RNF135: variants seen among roughly 807,000 people sequenced by gnomAD.
The protein encoded by RNF135 is ring finger protein 135.
In RNF135, 46 loss-of-function variants were observed where a neutral mutation model predicts 41.9. That is an observed-to-expected ratio of 1.10 (90% CI 0.87 to 1.40). The LOEUF (loss-of-function observed/expected upper bound fraction) is 1.40. Ranked by LOEUF, RNF135 falls within the 40% of genes most tolerant of loss-of-function variation. RNF135 has a pLI of 0.00. For missense variants in RNF135, 539 were observed against 549.8 expected (o/e 0.98, Z 0.20); for synonymous variants, 238 against 223.8 (o/e 1.06, Z -0.57).
In RNF135 at chr17:30,988,416, A is replaced by ATTTTTTTT. The variant is rs56955275; in HGVS notation, c.679+332_679+339dup. ...GAGATTCTGAAATAGGCCACTTTTA[A>ATTTTTTTT]TTTTTTTTTTTTTTTTTTTTTTTTT... On this transcript the variant is annotated intron_variant, in intron 3 of 4. Coordinates refer to ENST00000328381, the MANE Select transcript of RNF135 (RefSeq NM_032322.4). Among the ~76,000 whole-genome samples, 88 of 81,902 alleles carry ATTTTTTTT rather than the reference A, an allele frequency of 1.1e-3. 3 individuals carry two copies. Among genetic ancestry groups the ATTTTTTTT allele is most frequent in the African/African-American group, 1.4e-3 (27 of 19,798 alleles). 53.7% of individuals were successfully genotyped at this position (81,902 alleles called of 152,430 possible).
chr17:30,998,017 T>A (rs749289269), intron 4 of RNF135, among the ~76,000 whole-genome samples: 3 of 152,232 alleles, frequency 2.0e-5, no homozygotes, highest in Admixed American at 6.5e-5. Flanking sequence ...TATAAACAGC[T>A]GTGGTCATAA....
In RNF135 at chr17:30,999,424, C is replaced by T; in HGVS notation, c.*233C>T. The T allele has an allele frequency of 1.8e-6, 1 of 548,772 alleles. No individual in the cohort carries two copies. 34.0% of individuals were successfully genotyped at this position (548,772 alleles called of 1,614,324 possible). A position where few individuals can be genotyped will look rare whatever the true frequency, so the allele number is the denominator to read the frequency against. On this transcript the variant is annotated 3_prime_UTR_variant, in exon 5 of 5. Coordinates refer to ENST00000328381, the MANE Select transcript of RNF135 (RefSeq NM_032322.4). ...CCACCACACCTGGCCAAGAATACCA[C>T]TTTTGAAGTTAATCCTTTTGTGTGA...
chr17:30,988,924 C>CTTT lies in RNF135; in HGVS notation c.679+836_679+838dup, dbSNP rs572603845. The stretch of plus-strand genomic sequence containing the variant: ...GGTTTTTTTTTTCTTTTCTTTCTTT[C>CTTT]TTTTTTTTTTTTTTTTTTTTAAGTA... On this transcript the variant is annotated intron_variant, in intron 3 of 4. Transcript: ENST00000328381. Among the ~76,000 whole-genome samples, 163 of 99,928 alleles carry CTTT rather than the reference C, an allele frequency of 1.6e-3. 1 individual carries two copies. The Middle Eastern group carries it at 0.024, about 15-fold the overall frequency. The allele number at this position is 99,928 out of a possible 152,430, so 65.6% of individuals were successfully genotyped here.
chr17:30,981,195 C>A (rs1161713858), intron 1 of RNF135, among the ~76,000 whole-genome samples: 2 of 146,536 alleles, frequency 1.4e-5, no homozygotes, highest in Non-Finnish European at 3.0e-5. Flanking sequence ...CCGTCTCCAC[C>A]AAAAAAAAAC....
At position 30,994,929 on chromosome 17, in the gene RNF135, C is replaced by T. The variant is rs553918114; in HGVS notation, c.680-2313C>T. On this transcript the variant is annotated intron_variant, in intron 3 of 4. Transcript: ENST00000328381. The stretch of plus-strand genomic sequence containing the variant: ...CTGGGATTACAGGTGTGAGCCACCA[C>T]GCCTGGACTGTAACTTTAATTTTAA... Among the ~76,000 whole-genome samples the T allele has an allele frequency of 6.6e-5, 10 of 151,196 alleles. No individual in the cohort carries two copies. In the South Asian group the frequency reaches 1.5e-3, roughly 22 times the overall value.
At chr17:30,959,411 G>A in the RNF135 span, 5 of 152,140 alleles carry the variant, frequency 3.3e-5, no homozygotes, top group Non-Finnish European at 7.4e-5. Flanking sequence ...TGGCTTGTTA[G>A]TGCAAGGAAG....
At chr17:30,974,022 G>T (rs1906227539) in intron 1 of RNF135, among the ~76,000 whole-genome samples, 1 of 152,028 alleles carries the variant, frequency 6.6e-6, no homozygotes, top group Admixed American at 6.6e-5. Context: ...TTCATCTAGA[G>T]ATGAAACCCC....
chr17:30,995,926 T>TTGTGTGTG (rs56185624), intron 3 of RNF135, among the ~76,000 whole-genome samples: 2 of 147,736 alleles, frequency 1.4e-5, no homozygotes, highest in African/African-American at 5.0e-5. Flanking sequence ...CTGACTAGTT[T>TTGTGTGTG]TGTGTGTGTG....
chr17:30,988,429 T>A (rs1225323932), intron 3 of RNF135, among the ~76,000 whole-genome samples: 5 of 129,024 alleles, frequency 3.9e-5, no homozygotes, highest in African/African-American at 1.5e-4. Context: ...TTTTTTTTTT[T>A]TTTTTTTTTT....
At chr17:30,990,832 G>A (rs1907935869) in intron 3 of RNF135, among the ~76,000 whole-genome samples, 1 of 151,942 alleles carries the variant, frequency 6.6e-6, no homozygotes, top group Non-Finnish European at 1.5e-5. Context: ...TTAGTACCTA[G>A]GGCATTTTCT....
intron 1 of RNF135, chr17:30,972,631 G>C (rs952741526): frequency 6.6e-6 from 1 of 152,170 alleles, no homozygotes; most frequent in African/African-American, 2.4e-5. Context: ...CATATAACTG[G>C]AATCGTTCAA....
chr17:30,981,031 C>A (rs1033854615), intron 1 of RNF135, among the ~76,000 whole-genome samples: 11 of 145,806 alleles, frequency 7.5e-5, no homozygotes, highest in African/African-American at 2.9e-4. Flanking sequence ...GTGGTTGTAG[C>A]GAGCCGAGAT....
At chr17:30,959,499 G>A in the RNF135 span, 1 of 152,274 alleles carries the variant, frequency 6.6e-6, no homozygotes, top group African/African-American at 2.4e-5. Flanking sequence ...TGAAGAAAGA[G>A]TAGAAGATAG....
intron 3 of RNF135, among the ~76,000 whole-genome samples, chr17:30,996,335 G>A (rs1908351549): frequency 6.6e-6 from 1 of 152,122 alleles, no homozygotes; most frequent in African/African-American, 2.4e-5. Flanking sequence ...TGATCTGCCT[G>A]TCTTGGCCTC....
chr17:30,977,815 C>T (rs967239243), intron 1 of RNF135, among the ~76,000 whole-genome samples: 1 of 152,166 alleles, frequency 6.6e-6, no homozygotes, highest in African/African-American at 2.4e-5. Context: ...GTGATCCACC[C>T]GCCGTGGCCT....
intron 3 of RNF135, 125 bp downstream of exon 3, chr17:30,988,231 C>A: frequency 1.1e-6 from 1 of 940,650 alleles, no homozygotes; most frequent in Non-Finnish European, 1.7e-6. Flanking sequence ...ACTGTGGTGT[C>A]GTGAATCAGG....
chr17:30,964,476 T>C, the RNF135 span, among the ~76,000 whole-genome samples: 1 of 148,838 alleles, frequency 6.7e-6, no homozygotes, highest in East Asian at 2.0e-4. Flanking sequence ...TGGTGGTTCA[T>C]GCCTGTAATC....
chr17:30,982,512 A>C (rs545529788), intron 1 of RNF135, among the ~76,000 whole-genome samples: 1 of 152,314 alleles, frequency 6.6e-6, no homozygotes, highest in South Asian at 2.1e-4. Flanking sequence ...TTGGCAATTC[A>C]AGACTGTTTC....
chr17:30,968,228 C>T (rs1230760511), upstream of RNF135, among the ~76,000 whole-genome samples: 1 of 149,038 alleles, frequency 6.7e-6, no homozygotes, highest in Non-Finnish European at 1.5e-5. Flanking sequence ...GTGGAGGTTG[C>T]AGTGAGACGA....
Sources: allele counts gnomAD v4.1 joint callset (sites outside exome capture counted in the v4.1 genomes callset), GRCh38; gene constraint gnomAD v4.1.1; transcripts MANE v1.5; gene names NCBI Gene and HGNC (gene_info 2026-07-23, HGNC 2026-07-21).